ABCC6: variants seen among roughly 807,000 people sequenced by gnomAD.
ABCC6 encodes ATP binding cassette subfamily C member 6.
In ABCC6, 126 loss-of-function variants were observed where a neutral mutation model predicts 169.5. The observed-to-expected ratio is 0.74, with a 90% CI of 0.64 to 0.86. The LOEUF (loss-of-function observed/expected upper bound fraction) is 0.86, where lower values mean the gene tolerates loss of function less well. Among genes scored for constraint, ABCC6 ranks in the 40% least tolerant of loss-of-function variants. The pLI, the probability that ABCC6 is intolerant of heterozygous loss-of-function variation, is 0.00. For missense variants in ABCC6, 1,733 were observed against 1,927.2 expected (o/e 0.90, Z 1.89); for synonymous variants, 752 against 814.7 (o/e 0.92, Z 1.31).
chr16:16,197,552 G>A (rs1222861861), intron 10 of ABCC6, among the ~76,000 whole-genome samples: 2 of 149,784 alleles, frequency 1.3e-5, no homozygotes, highest in African/African-American at 2.5e-5. Context: ...AAGTGGGAGG[G>A]AAGATGACAG....
chr16:16,166,751 C>T (rs751724636), intron 22 of ABCC6, among the ~76,000 whole-genome samples: 9 of 151,978 alleles, frequency 5.9e-5, no homozygotes, highest in Non-Finnish European at 8.8e-5. Context: ...ATTAGCTGGG[C>T]GTGGTGGCAG....
chr16:16,219,392 C>G (rs539910054), intron 4 of ABCC6, among the ~76,000 whole-genome samples, 162 bp downstream of exon 4: 1 of 152,160 alleles, frequency 6.6e-6, no homozygotes, highest in Non-Finnish European at 1.5e-5. Flanking sequence ...TGGGTACTGA[C>G]AGGTGCGGGA....
intron 15 of ABCC6, among the ~76,000 whole-genome samples, chr16:16,183,379 C>T (rs752171548): frequency 2.6e-5 from 4 of 152,176 alleles, no homozygotes; most frequent in Non-Finnish European, 5.9e-5. Context: ...TTCCTCCCTC[C>T]CTCCCGCTAC....
chr16:16,200,250 G>A (rs2048193473), intron 9 of ABCC6, among the ~76,000 whole-genome samples: 1 of 151,760 alleles, frequency 6.6e-6, no homozygotes, highest in South Asian at 2.1e-4. Flanking sequence ...TGGCCAACAT[G>A]GTAAAACCCT....
In ABCC6 at chr16:16,170,208, C is replaced by A. The variant is rs1442370351; in HGVS notation, c.2788-355G>T. ...CTTGAACTCCTAGGCTCAAGTAATCCCCCCGCCTCAGCCTCCCGAGTAGTC... is the reference window on the plus strand; with the variant it reads ...CTTGAACTCCTAGGCTCAAGTAATCACCCCGCCTCAGCCTCCCGAGTAGTC... On this transcript the variant is annotated intron_variant, in intron 21 of 30. Transcript: ENST00000205557. 2.0e-5 allele frequency among the ~76,000 whole-genome samples: 3 copies of A among 151,858 alleles called. No individual in the cohort carries two copies. In the South Asian group the frequency reaches 6.2e-4, roughly 31 times the overall value.
intron 7 of ABCC6, among the ~76,000 whole-genome samples, chr16:16,208,216 C>T (rs2048456961): frequency 6.6e-6 from 1 of 152,114 alleles, no homozygotes; most frequent in South Asian, 2.1e-4. Context: ...ACCTGTGATG[C>T]GTTCTGGGAG....
chr16:16,173,221 AAGACTTGGGCCCCT>A, intron 21 of ABCC6, 49 bp downstream of exon 21: 1 of 1,555,926 alleles, frequency 6.4e-7, no homozygotes, highest in South Asian at 1.1e-5. Flanking sequence ...ATTTGGTGGG[AAGACTTGGGCCCCT>A]GGAGGTGGCA....
intron 2 of ABCC6, among the ~76,000 whole-genome samples, 166 bp from the exon 3 acceptor site, chr16:16,220,113 G>A (rs2049025482): frequency 6.7e-6 from 1 of 148,596 alleles, no homozygotes; most frequent in South Asian, 2.2e-4. Flanking sequence ...ATGTGTAAAG[G>A]GCATTGCAGA....
chr16:16,208,792 A>C lies in ABCC6; in HGVS notation c.730T>G (p.Ser244Ala), dbSNP rs2048490306. ...KDLWSLGRENSSEELVSRLEK... is the reference protein window; with the variant it reads ...KDLWSLGRENASEELVSRLEK... ...AGCCGGGAAACAAGTTCTTCTGAGG[A>C]GTTTTCTCTCCCAAGCGACCAGAGG... Residue 244 changes from serine (S) to alanine (A), a missense_variant, in exon 7 of 31, where the codon TCC (serine) becomes GCC (alanine). By Grantham distance (99) the Ser-to-Ala change is moderately conservative (BLOSUM62 1). Coordinates refer to ENST00000205557, the MANE Select transcript of ABCC6 (RefSeq NM_001171.6). 1.9e-6 allele frequency: 3 copies of C among 1,613,108 alleles called. No individual in the cohort carries two copies. The highest frequency in any genetic ancestry group is 2.2e-5 in the South Asian group (2 of 90,992).
rs60975032 is a variant in ABCC6, at chr16:16,165,722, G to A, written c.3207C>T (p.Tyr1069=). 6.9e-3 allele frequency: 11,086 copies of A among 1,613,670 alleles called. 82 individuals carry two copies. The highest frequency in any genetic ancestry group is 8.5e-3 in the Non-Finnish European group (10,083 of 1,180,024). ...IPDKLRSLLM[Y]AFGLLEVSLV... ...GGCTGACCTCCAGGAGTCCAAAGGC[G>A]TACATCAGCAGGGACCGGAGTTTGT... Residue 1069 remains tyrosine (Y), a synonymous_variant, in exon 23 of 31, where the codon TAC becomes TAT. Transcript: ENST00000205557.
chr16:16,208,956 T>A, intron 6 of ABCC6, 97 bp from the exon 7 acceptor site: 2 of 1,572,790 alleles, frequency 1.3e-6, no homozygotes, highest in East Asian at 2.3e-5. Flanking sequence ...TAAGTCACTT[T>A]ACCTCTCTGT....
In ABCC6 at chr16:16,193,680, C is replaced by T. The variant is rs113827861; in HGVS notation, c.1339-758G>A. 6.1e-3 allele frequency among the ~76,000 whole-genome samples: 922 copies of T among 152,352 alleles called. 9 individuals are homozygous for T. The highest frequency in any genetic ancestry group is 0.019 in the African/African-American group (776 of 41,586). ...AGTGAGCCACGATCGCACCACTGCA[C>T]TCCAGCCTGGGTGGCAGAGTGAGAC... On this transcript the variant is annotated intron_variant, in intron 10 of 30. Coordinates refer to ENST00000205557, the MANE Select transcript of ABCC6 (RefSeq NM_001171.6).
chr16:16,164,059 AGTCTCTCTCT>A (rs1473192211), intron 23 of ABCC6, among the ~76,000 whole-genome samples: 1 of 151,942 alleles, frequency 6.6e-6, no homozygotes, highest in East Asian at 1.9e-4. Context: ...TTTGAGATGG[AGTCTCTCTCT>A]GTCACCCAGG....
chr16:16,163,048 T>C lies in ABCC6; in HGVS notation c.3451A>G (p.Asn1151Asp). The C allele has an allele frequency of 1.2e-6, 2 of 1,614,050 alleles. No individual in the cohort carries two copies. The highest frequency in any genetic ancestry group is 1.1e-5 in the South Asian group (1 of 91,090). ...CTCTGGCTTTCATCTACGCGAGCAT[T>C]GTTCTGAGCCACAAAGGGGGCCTGG... ...RTQAPFVAQNNARVDESQRIS... is the reference protein window; with the variant it reads ...RTQAPFVAQNDARVDESQRIS... Residue 1151 changes from asparagine (N) to aspartate (D), a missense_variant, in exon 24 of 31, where the codon AAT becomes GAT. By Grantham distance (23) the Asn-to-Asp change is conservative. This residue lies in a region of ABCC6 where 1,601 missense variants were observed against 1,635.5 expected (regional missense o/e 0.98). Transcript: ENST00000205557.
intron 23 of ABCC6, among the ~76,000 whole-genome samples, chr16:16,164,251 C>T (rs940791811): frequency 2.1e-4 from 32 of 152,226 alleles, no homozygotes; most frequent in African/African-American, 7.0e-4. Flanking sequence ...AGGCTGGTCT[C>T]GAACTCCTGA....
chr16:16,159,437 C>G (rs768576172), intron 26 of ABCC6, 45 bp downstream of exon 26: 1 of 1,528,466 alleles, frequency 6.5e-7, no homozygotes, highest in African/African-American at 1.5e-5. Context: ...CCCCCCCCCA[C>G]AATATGTCCT....
At chr16:16,184,900 GC>G (rs1311138200) in intron 15 of ABCC6, 58 bp downstream of exon 15, 1 of 1,538,206 alleles carries the variant, frequency 6.5e-7, no homozygotes, top group Non-Finnish European at 9.0e-7. Flanking sequence ...GGCAGCAGGA[GC>G]CCCATGCATC....
chr16:16,191,622 C>G (rs2047856390), intron 11 of ABCC6, among the ~76,000 whole-genome samples: 1 of 138,286 alleles, frequency 7.2e-6, no homozygotes, highest in Admixed American at 7.9e-5. Flanking sequence ...TTCCTCTTTC[C>G]TTTGCTTTCT....
chr16:16,152,064 C>T (rs1418343091), intron 29 of ABCC6, among the ~76,000 whole-genome samples: 5 of 151,494 alleles, frequency 3.3e-5, no homozygotes, highest in Non-Finnish European at 5.9e-5. Flanking sequence ...TGGTGGCGGG[C>T]GCTTGTAGTC....
Sources: allele counts gnomAD v4.1 joint callset (sites outside exome capture counted in the v4.1 genomes callset), GRCh38; gene constraint gnomAD v4.1.1; regional missense constraint gnomAD v4.1.1; transcripts MANE v1.5; gene names NCBI Gene and HGNC (gene_info 2026-07-23, HGNC 2026-07-21).